The following NSUN7 variants were observed in gnomAD, a reference collection of about 807,000 sequenced individuals.
The protein encoded by NSUN7 is protein NSUN7.
In NSUN7, 39 loss-of-function variants were observed where a neutral mutation model predicts 58.5. The ratio of observed to expected loss-of-function variants is 0.67; its 90% confidence interval spans 0.52 to 0.87. NSUN7 has a LOEUF of 0.87. NSUN7 is among the 40% of genes least tolerant of loss of function. NSUN7 has a pLI of 0.00. For synonymous variants in NSUN7, 278 were observed against 303.7 expected (o/e 0.92, Z 0.88); for missense variants, 765 against 844.1 (o/e 0.91, Z 1.16).
At position 40,807,140 on chromosome 4, in the gene NSUN7, T is replaced by C; in HGVS notation, c.1480T>C (p.Ser494Pro). Residue 494 changes from serine (S) to proline (P), a missense_variant, in exon 11 of 12, where the codon TCT (serine) becomes CCT (proline). By Grantham distance (74) the Ser-to-Pro change is moderately conservative (BLOSUM62 -1). Coordinates refer to ENST00000381782, the MANE Select transcript of NSUN7 (RefSeq NM_024677.6). ...STDKFFRMEP[S>P]EITNGCFLSI... is the part of the protein sequence containing the mutation. ...TGATAAATTTTTCAGAATGGAACCA[T>C]CTGAAATTACCAATGGTTGTTTTCT... is the stretch of plus-strand genomic sequence containing the variant. 1 of 1,551,008 alleles carries C rather than the reference T, an allele frequency of 6.4e-7. No individual in the cohort carries two copies. Among genetic ancestry groups the C allele is most frequent in the Non-Finnish European group, 8.7e-7 (1 of 1,146,660 alleles).
intron 4 of NSUN7, among the ~76,000 whole-genome samples, chr4:40,768,693 A>G (rs1413592306): frequency 6.6e-6 from 1 of 152,134 alleles, no homozygotes; most frequent in Non-Finnish European, 1.5e-5. Context: ...GTAATCCAAG[A>G]TGATACCTAT....
At chr4:40,757,718 GTA>G (rs1434684910) in intron 2 of NSUN7, among the ~76,000 whole-genome samples, 39 of 57,548 alleles carry the variant, frequency 6.8e-4, no homozygotes, top group Admixed American at 2.5e-3. Context: ...GTGTGTGTGT[GTA>G]TATATACACA....
chr4:40,776,361 A>G (rs777790005), intron 7 of NSUN7, 102 bp downstream of exon 7: 37 of 717,252 alleles, frequency 5.2e-5, no homozygotes, highest in Middle Eastern at 4.0e-4. Flanking sequence ...TAAAAGCTCT[A>G]TATGTGAACT....
At chr4:40,763,061 T>G (rs2154286903) in intron 4 of NSUN7, among the ~76,000 whole-genome samples, 2 of 152,258 alleles carry the variant, frequency 1.3e-5, no homozygotes, top group South Asian at 4.1e-4. Flanking sequence ...AAGGGACTGT[T>G]TAATGCCACA....
rs1361948906 is a variant in NSUN7, at chr4:40,808,808, T to A, written c.2026T>A (p.Tyr676Asn). The change falls in exon 12 of 12, where the codon TAC becomes AAC. Residue 676 changes from tyrosine to asparagine, a missense_variant. Transcript: ENST00000381782. ...IRSRMPTQHL[Y>N]CRWVAPKALV... ...ATCTCGGATGCCAACTCAACATTTG[T>A]ACTGTCGTTGGGTTGCACCCAAGGC... 6.5e-7 allele frequency: 1 copy of A among 1,549,272 alleles called. No individual in the cohort carries two copies. Among genetic ancestry groups the A allele is most frequent in the Non-Finnish European group, 8.7e-7 (1 of 1,146,506 alleles).
At chr4:40,808,008 C>T (rs993780831) in intron 11 of NSUN7, among the ~76,000 whole-genome samples, 6 of 117,402 alleles carry the variant, frequency 5.1e-5, no homozygotes, top group Non-Finnish European at 9.6e-5. Context: ...CCAGCCTGGG[C>T]GACAAAGCAA....
intron 2 of NSUN7, among the ~76,000 whole-genome samples, chr4:40,758,626 ACCAACTTAG>A (rs1444923817): frequency 2.6e-5 from 4 of 152,106 alleles, no homozygotes; most frequent in African/African-American, 9.7e-5. Flanking sequence ...GGAGTTTGAG[ACCAACTTAG>A]CCAACGTGGC....
chr4:40,765,827 T>G (rs1327729244), intron 4 of NSUN7, among the ~76,000 whole-genome samples: 3 of 152,216 alleles, frequency 2.0e-5, no homozygotes, highest in Admixed American at 6.5e-5. Flanking sequence ...CTAGGTATTT[T>G]ATTCTCTTTG....
chr4:40,804,331 T>C (rs1334561809), intron 10 of NSUN7, among the ~76,000 whole-genome samples: 1 of 151,820 alleles, frequency 6.6e-6, no homozygotes, highest in Non-Finnish European at 1.5e-5. Context: ...TCCCAGCTAC[T>C]TGGGAGGCTG....
chr4:40,799,307 A>C (rs1306068349), intron 10 of NSUN7, among the ~76,000 whole-genome samples: 1 of 151,706 alleles, frequency 6.6e-6, no homozygotes, highest in Admixed American at 6.6e-5. Flanking sequence ...GGCTGCTCTC[A>C]AACTCCTGAC....
intron 7 of NSUN7, among the ~76,000 whole-genome samples, chr4:40,780,021 C>T (rs970929385): frequency 6.6e-6 from 1 of 152,116 alleles, no homozygotes; most frequent in Non-Finnish European, 1.5e-5. Flanking sequence ...GTAGCTCATG[C>T]CTGTAATCCT....
chr4:40,790,958 A>T (rs1250903704), intron 8 of NSUN7, among the ~76,000 whole-genome samples: 9 of 152,194 alleles, frequency 5.9e-5, no homozygotes, highest in Non-Finnish European at 1.5e-5. Flanking sequence ...CAAAATATTT[A>T]ATAATTGGAA....
rs754157265 is a variant in NSUN7, at chr4:40,808,399, A to G, written c.1617A>G (p.Ser539=). 2 of 1,614,074 alleles carry G rather than the reference A, an allele frequency of 1.2e-6. No individual in the cohort carries two copies. Among genetic ancestry groups the G allele is most frequent in the Non-Finnish European group, 1.7e-6 (2 of 1,180,044 alleles). ...LLDGIELGKS[S]KREKKKKKSK... ...ATGGGATTGAGTTGGGTAAATCATC[A>G]AAACGGGAGAAGAAGAAGAAAAAAT... Residue 539 remains serine (S), a synonymous_variant, in exon 12 of 12, where the codon TCA becomes TCG. Transcript: ENST00000381782.
At chr4:40,759,765 G>A (rs982975239) in intron 2 of NSUN7, among the ~76,000 whole-genome samples, 6 of 152,190 alleles carry the variant, frequency 3.9e-5, no homozygotes, top group Non-Finnish European at 7.3e-5. Context: ...TAGCAGCCGG[G>A]TATGGTGGCT....
At chr4:40,761,109 G>T in intron 3 of NSUN7, 62 bp from the exon 4 acceptor site, 1 of 1,318,054 alleles carries the variant, frequency 7.6e-7, no homozygotes, top group South Asian at 1.3e-5. Context: ...GAATGGAATG[G>T]AAAATATTGC....
chr4:40,786,723 C>T, intron 7 of NSUN7: 1 of 1,544,880 alleles, frequency 6.5e-7, no homozygotes, highest in South Asian at 1.3e-5. Context: ...AATATCAATA[C>T]CTATTATATC....
intron 2 of NSUN7, among the ~76,000 whole-genome samples, chr4:40,755,359 A>G (rs1411849134): frequency 6.6e-6 from 1 of 152,190 alleles, no homozygotes; most frequent in Non-Finnish European, 1.5e-5. Flanking sequence ...AAATGCTGGG[A>G]TTACAGGCGT....
chr4:40,798,133 A>G (rs1478521436), intron 9 of NSUN7, among the ~76,000 whole-genome samples: 1 of 152,130 alleles, frequency 6.6e-6, no homozygotes, highest in Non-Finnish European at 1.5e-5. Context: ...TCTCCATAGC[A>G]TTGATCACTT....
intron 8 of NSUN7, 74 bp downstream of exon 8, chr4:40,790,819 A>T: frequency 8.8e-7 from 1 of 1,133,794 alleles, no homozygotes; most frequent in South Asian, 1.5e-5. Context: ...AATCATTAAA[A>T]TAGCATATCA....
Sources: allele counts gnomAD v4.1 joint callset (sites outside exome capture counted in the v4.1 genomes callset), GRCh38; gene constraint gnomAD v4.1.1; transcripts MANE v1.5; gene names NCBI Gene and HGNC (gene_info 2026-07-23, HGNC 2026-07-21).